The following MORC2 variants were observed in gnomAD, a reference collection of about 807,000 sequenced individuals.
MORC2 encodes ATPase MORC2.
In MORC2, 30 loss-of-function variants were observed where a neutral mutation model predicts 136.0. The observed-to-expected ratio is 0.22, with a 90% CI of 0.17 to 0.30. MORC2 has a LOEUF of 0.30. MORC2 is among the 10% of genes least tolerant of loss of function. The pLI is 1.00. For missense variants in MORC2, 922 were observed against 1,333.1 expected, an observed-to-expected ratio of 0.69 and a Z score of 4.80; for synonymous variants, 439 against 487.0, an observed-to-expected ratio of 0.90 and a Z score of 1.30.
intron 3 of MORC2, among the ~76,000 whole-genome samples, chr22:30,952,655 C>T (rs2040907986): frequency 6.6e-6 from 1 of 152,246 alleles, no homozygotes; most frequent in Non-Finnish European, 1.5e-5. Context: ...ACAGCATTGA[C>T]TTCTTCAACT....
In MORC2 at chr22:30,962,041, C is replaced by CA. The variant is rs910420307; in HGVS notation, c.69-3348dup. Among the ~76,000 whole-genome samples, 27 of 151,652 alleles carry CA rather than the reference C, an allele frequency of 1.8e-4. 1 individual carries two copies. The highest frequency in any genetic ancestry group is 2.2e-4 in the Non-Finnish European group (15 of 67,874). On this transcript the variant is annotated intron_variant, in intron 1 of 25. Coordinates refer to ENST00000397641, the MANE Select transcript of MORC2 (RefSeq NM_001303256.3). ...TGAAACCCTGACTCTACTAAAAATA[C>CA]AAAAAAATTAGTCAGGCATGGTGGC...
At chr22:30,938,300 T>C (rs1210958693) in intron 12 of MORC2, 95 bp from the exon 13 acceptor site, 9 of 1,443,018 alleles carry the variant, frequency 6.2e-6, no homozygotes, top group South Asian at 2.7e-5. Context: ...ACTTGAAACA[T>C]GTTAAGCCAA....
At chr22:30,966,209 T>C (rs1248404028) in intron 1 of MORC2, among the ~76,000 whole-genome samples, 1 of 152,254 alleles carries the variant, frequency 6.6e-6, no homozygotes, top group African/African-American at 2.4e-5. Context: ...GTCCAGTTCA[T>C]GGTCTTCCAA....
intron 25 of MORC2, among the ~76,000 whole-genome samples, chr22:30,927,531 G>A (rs896715820): frequency 6.6e-6 from 1 of 152,312 alleles, no homozygotes; most frequent in South Asian, 2.1e-4. Flanking sequence ...ACACTTTACT[G>A]TATCTCCTTA....
In MORC2 at chr22:30,933,929, G is replaced by T. The variant is rs9609161; in HGVS notation, c.2325+131C>A. 2.2e-3 allele frequency: 2,403 copies of T among 1,091,294 alleles called. 9 individuals carry two copies. Among genetic ancestry groups the T allele is most frequent in the South Asian group, 5.6e-3 (372 of 66,498 alleles). The allele number at this position is 1,091,294 out of a possible 1,614,324, so 67.6% of individuals were successfully genotyped here. On this transcript the variant is annotated intron_variant, in intron 20 of 25. Coordinates refer to ENST00000397641, the MANE Select transcript of MORC2 (RefSeq NM_001303256.3). ...GAGTTGGTGCAGACTGCTGGTGGGG[G>T]GGGTAGACTGCTGGTGGGTTGTGTA...
Position 30,942,160 on chromosome 22 carries a change from T to C in MORC2, c.538A>G (p.Thr180Ala). ...ELIYKYSPFR[T>A]EEEVMTQFMK... ...AACTGGGTCATCACTTCCTCCTCAG[T>C]GCGGAATGGAGAGTACTTATAGATG... The change falls in exon 7 of 26, where the codon ACT (threonine) becomes GCT (alanine). Residue 180 changes from threonine (T) to alanine (A), a missense_variant. Transcript: ENST00000397641. 1.9e-6 allele frequency: 3 copies of C among 1,614,206 alleles called. No homozygotes were observed. Among genetic ancestry groups the C allele is most frequent in the Non-Finnish European group, 2.5e-6 (3 of 1,180,016 alleles).
intron 3 of MORC2, among the ~76,000 whole-genome samples, chr22:30,955,837 C>T (rs951901530): frequency 6.6e-6 from 1 of 151,734 alleles, no homozygotes; most frequent in Non-Finnish European, 1.5e-5. Flanking sequence ...GGTGAAACCC[C>T]GTCGCTACTA....
intron 3 of MORC2, among the ~76,000 whole-genome samples, chr22:30,955,824 C>T (rs532041176): frequency 3.3e-5 from 5 of 151,906 alleles, no homozygotes; most frequent in Non-Finnish European, 2.9e-5. Flanking sequence ...GCCTGGCCGA[C>T]GTGGTGAAAC....
chr22:30,936,725 C>G, intron 16 of MORC2, 82 bp from the exon 17 acceptor site: 14 of 1,550,064 alleles, frequency 9.0e-6, no homozygotes, highest in Non-Finnish European at 1.2e-5. Context: ...CCAGTCTACA[C>G]TGTCTGTCAC....
At chr22:30,947,519 C>T (rs1220307320) in intron 5 of MORC2, among the ~76,000 whole-genome samples, 1 of 152,120 alleles carries the variant, frequency 6.6e-6, no homozygotes, top group African/African-American at 2.4e-5. Context: ...TTCTGTGTAC[C>T]AATACAAACC....
At chr22:30,927,870 A>T in intron 25 of MORC2, 149 bp downstream of exon 25, 1 of 942,028 alleles carries the variant, frequency 1.1e-6, no homozygotes, top group East Asian at 2.6e-5. Context: ...CACCATCTCA[A>T]GCCCTCCTGC....
intron 1 of MORC2, among the ~76,000 whole-genome samples, chr22:30,960,582 G>A (rs1432278881): frequency 4.0e-5 from 6 of 151,732 alleles, no homozygotes; most frequent in African/African-American, 9.7e-5. Context: ...TCCGCCTCCC[G>A]GGTTCAAGCA....
rs1602491814 is a variant in MORC2, at chr22:30,942,205, A to G, written c.493T>C (p.Phe165Leu). The change falls in exon 7 of 26, where the codon TTT (phenylalanine) becomes CTT (leucine). Residue 165 changes from phenylalanine to leucine, a missense_variant. Phe to Leu is a conservative substitution (Grantham distance 22, BLOSUM62 0). Transcript: ENST00000397641. Reference protein sequence around the residue: ...REPVTDNVEKFAIETELIYKY... With the variant: ...REPVTDNVEKLAIETELIYKY... ...TAGATGAGTTCTGTCTCAATGGCAA[A>G]TTTCTCTACATTGTCTGTGACAGGT... 1 of 1,613,950 alleles carries G rather than the reference A, an allele frequency of 6.2e-7. No individual in the cohort carries two copies. The highest frequency in any genetic ancestry group is 8.5e-7 in the Non-Finnish European group (1 of 1,180,010).
chr22:30,931,115 A>G lies in MORC2; in HGVS notation c.2841+1244T>C, dbSNP rs138995753. On this transcript the variant is annotated intron_variant, in intron 24 of 25. Transcript: ENST00000397641. Reference sequence around the variant, plus strand: ...TCCTGTTCCCATTCCCTCACCTCTGACCTTTTACATAGGACCTGCCTCCTC... The same window carrying G: ...TCCTGTTCCCATTCCCTCACCTCTGGCCTTTTACATAGGACCTGCCTCCTC... Among the ~76,000 whole-genome samples the G allele has an allele frequency of 1.1e-4, 16 of 152,102 alleles. 1 individual carries two copies. The East Asian group carries it at 3.1e-3, about 29-fold the overall frequency.
At position 30,937,307 on chromosome 22, in the gene MORC2, C is replaced by A. The variant is rs1213023763; in HGVS notation, c.1499-270G>T. Among the ~76,000 whole-genome samples, 1 of 152,162 alleles carries A rather than the reference C, an allele frequency of 6.6e-6. No individual in the cohort carries two copies. Among genetic ancestry groups the A allele is most frequent in the Non-Finnish European group, 1.5e-5 (1 of 68,042 alleles). The stretch of plus-strand genomic sequence containing the variant: ...TCCTGGCTCAGTCATCCACGCACAC[C>A]AGAAACCATGTGGTACCAAACCAAG... On this transcript the variant is annotated intron_variant, in intron 15 of 25. Transcript: ENST00000397641. The surrounding 1 kb of genome is among the most constrained non-coding windows in gnomAD (Gnocchi z 4.7).
intron 1 of MORC2, among the ~76,000 whole-genome samples, chr22:30,961,809 T>TGG (rs2041050401): frequency 6.6e-6 from 1 of 152,102 alleles, no homozygotes; most frequent in Non-Finnish European, 1.5e-5. Flanking sequence ...TTCTTAGCAA[T>TGG]ACATATTTTC....
intron 4 of MORC2, 137 bp from the exon 5 acceptor site, chr22:30,949,979 C>A: frequency 2.7e-6 from 2 of 734,692 alleles, no homozygotes; most frequent in Non-Finnish European, 2.3e-6. Context: ...AAATTCACCA[C>A]CATGAAGCAC....
rs138861080 is a variant in MORC2 at position 30,929,134 on chromosome 22, C to G, written c.2842-927G>C. 4.8e-3 allele frequency among the ~76,000 whole-genome samples: 733 copies of G among 152,290 alleles called. 1 individual carries two copies. The highest frequency in any genetic ancestry group is 0.017 in the Middle Eastern group (5 of 294). ...ACCTTATCCTACTAAACCAAGATAG[C>G]AAGAGAAACTTCTAGTTCTACACAA... On this transcript the variant is annotated intron_variant, in intron 24 of 25. Transcript: ENST00000397641.
chr22:30,933,467 T>C lies in MORC2; in HGVS notation c.2379A>G (p.Lys793=). The C allele has an allele frequency of 6.2e-7, 1 of 1,613,520 alleles. No homozygotes were observed. Among genetic ancestry groups the C allele is most frequent in the Non-Finnish European group, 8.5e-7 (1 of 1,179,770 alleles). Reference sequence around the variant, plus strand: ...TGCCAAGTCACTCCCCCAGCTCACCTTTCTGAGCTCTCTTGAGGTCAGCCG... The same window carrying C: ...TGCCAAGTCACTCCCCCAGCTCACCCTTCTGAGCTCTCTTGAGGTCAGCCG... ...EDSADLKRAQ[K]DKGLHVEVRV... Residue 793 remains lysine, a splice_region_variant and synonymous_variant, in exon 21 of 26, where the codon AAA becomes AAG. Coordinates refer to ENST00000397641, the MANE Select transcript of MORC2 (RefSeq NM_001303256.3).
Sources: gnomAD v4.1 joint callset for allele counts (sites outside exome capture counted in the v4.1 genomes callset) on GRCh38, gnomAD v4.1.1 for gene constraint, Gnocchi (gnomAD v3.1) non-coding constraint, MANE v1.5 for transcripts, NCBI Gene and HGNC (gene_info 2026-07-23, HGNC 2026-07-21) for gene names.